Variants in EPHX4 observed in about 807,000 individuals in gnomAD.
The protein encoded by EPHX4 is epoxide hydrolase 4.
A neutral mutation model predicts 44.9 loss-of-function variants in EPHX4; 31 were observed. That is an observed-to-expected ratio of 0.69 (90% CI 0.52 to 0.93). The LOEUF is 0.93. Among genes scored for constraint, EPHX4 ranks in the 40% least tolerant of loss-of-function variants. The pLI is 0.00. For synonymous variants in EPHX4, 151 were observed against 159.7 expected (o/e 0.95, Z 0.41); for missense variants, 373 against 438.1 (o/e 0.85, Z 1.33).
In EPHX4 at chr1:92,047,378, T is replaced by C. The variant is rs567436523; in HGVS notation, c.604+1718T>C. ...GAGCTGAGATTGTGCCAGCTGAGGG[T>C]GGCAAAGTGAGACCCTGTCTCAAAA... On this transcript the variant is annotated intron_variant, in intron 4 of 6. Coordinates refer to ENST00000370383, the MANE Select transcript of EPHX4 (RefSeq NM_173567.5). Among the ~76,000 whole-genome samples the C allele has an allele frequency of 5.2e-4, 78 of 148,734 alleles. No individual in the cohort carries two copies. In the South Asian group the frequency reaches 0.014, roughly 27 times the overall value.
Position 92,045,527 on chromosome 1 carries a change from T to C in EPHX4, c.476-5T>C, listed in dbSNP as rs1250196179. On this transcript the variant is annotated splice_region_variant and splice_polypyrimidine_tract_variant and intron_variant, in intron 3 of 6. Transcript: ENST00000370383. The stretch of plus-strand genomic sequence containing the variant: ...ATGATGTCAACATTTATTTCTTGTT[T>C]ACAGGGTATAGCAAATGTGTTCTTA... The C allele has an allele frequency of 2.3e-5, 37 of 1,613,360 alleles. No homozygotes were observed. The highest frequency in any genetic ancestry group is 3.1e-5 in the Non-Finnish European group (37 of 1,179,846).
At chr1:92,051,495 C>A (rs1391115341) in intron 5 of EPHX4, among the ~76,000 whole-genome samples, 1 of 151,484 alleles carries the variant, frequency 6.6e-6, no homozygotes, top group East Asian at 1.9e-4. Flanking sequence ...AGAAATTTGC[C>A]CTGAGGAAAG....
intron 6 of EPHX4, among the ~76,000 whole-genome samples, chr1:92,055,765 T>C (rs1388306774): frequency 6.6e-6 from 1 of 152,190 alleles, no homozygotes; most frequent in Non-Finnish European, 1.5e-5. Context: ...AGAAAAAAGA[T>C]TTAAAATCTT....
At chr1:92,045,167 G>GTT (rs1688565753) in intron 3 of EPHX4, among the ~76,000 whole-genome samples, 1 of 152,000 alleles carries the variant, frequency 6.6e-6, no homozygotes, top group Non-Finnish European at 1.5e-5. Flanking sequence ...GGGTGTGTGT[G>GTT]TTGGGGGGAG....
At chr1:92,037,174 G>C (rs893025320) in intron 2 of EPHX4, among the ~76,000 whole-genome samples, 3 of 151,896 alleles carry the variant, frequency 2.0e-5, no homozygotes, top group Non-Finnish European at 2.9e-5. Flanking sequence ...CTTGATTGTA[G>C]ATTAAGTAGG....
At chr1:92,062,356 C>T (rs1379847673) in intron 6 of EPHX4, among the ~76,000 whole-genome samples, 2 of 151,678 alleles carry the variant, frequency 1.3e-5, no homozygotes, top group Non-Finnish European at 2.9e-5. Context: ...GAGGCCGAGG[C>T]GGGTGGATCA....
Position 92,054,101 on chromosome 1 carries a change from G to A in EPHX4, c.857+1443G>A, listed in dbSNP as rs188450525. On this transcript the variant is annotated intron_variant, in intron 6 of 6. Transcript: ENST00000370383. ...GAGCCACAGCTGGCCTTGAATTTGA[G>A]GTTTAGGGATTTGAATTTGTGCTAC... 5.9e-5 allele frequency among the ~76,000 whole-genome samples: 9 copies of A among 152,218 alleles called. No homozygotes were observed. The East Asian group carries it at 1.7e-3, about 29-fold the overall frequency.
At chr1:92,040,985 C>CT (rs34067987) in intron 2 of EPHX4, among the ~76,000 whole-genome samples, 41,969 of 151,514 alleles carry the variant, frequency 0.28, 6,658 homozygotes, top group African/African-American at 0.44. Context: ...CATGCAGATG[C>CT]TTTTTTTTAA....
intron 3 of EPHX4, among the ~76,000 whole-genome samples, chr1:92,044,458 T>C (rs1688555060): frequency 6.6e-6 from 1 of 152,196 alleles, no homozygotes; most frequent in Admixed American, 6.5e-5. Context: ...TGAGAATTAC[T>C]TCCTTGAAAG....
intron 1 of EPHX4, among the ~76,000 whole-genome samples, 178 bp downstream of exon 1, chr1:92,030,488 G>GTGTGTGTGTGTGTGTGTGTGT: frequency 7.6e-6 from 1 of 130,988 alleles, no homozygotes; most frequent in African/African-American, 2.9e-5. Flanking sequence ...GTGTGTGTGA[G>GTGTGTGTGTGTGTGTGTGTGT]AGAGAGAGAG....
intron 3 of EPHX4, chr1:92,043,598 G>A (rs1455770253): frequency 1.3e-5 from 2 of 152,108 alleles, no homozygotes; most frequent in African/African-American, 4.8e-5. Flanking sequence ...AGATGCACTT[G>A]CATTATTTCT....
At chr1:92,050,979 T>C (rs1647238827) in intron 5 of EPHX4, among the ~76,000 whole-genome samples, 2 of 152,134 alleles carry the variant, frequency 1.3e-5, no homozygotes. Flanking sequence ...ACTACAGGCA[T>C]GTGCCACCAT....
intron 4 of EPHX4, among the ~76,000 whole-genome samples, chr1:92,046,709 G>A (rs370592331): frequency 9.2e-5 from 14 of 152,168 alleles, no homozygotes; most frequent in Non-Finnish European, 1.5e-4. Context: ...TGATCCGCCC[G>A]CCTCAGCCTC....
At chr1:92,030,473 T>TGG (rs1688342043) in intron 1 of EPHX4, among the ~76,000 whole-genome samples, 163 bp downstream of exon 1, 2 of 143,984 alleles carry the variant, frequency 1.4e-5, no homozygotes, top group African/African-American at 2.6e-5. Context: ...TGTGTGTGTG[T>TGG]GTGTGTGTGT....
rs761240966 is a variant in EPHX4 at position 92,032,472 on chromosome 1, A to G, written c.232-33A>G. On this transcript the variant is annotated intron_variant, in intron 1 of 6. Coordinates refer to ENST00000370383, the MANE Select transcript of EPHX4 (RefSeq NM_173567.5). Reference sequence around the variant, plus strand: ...TATATTGCTTTGTCAATCAACACAAACATCACTAAAATTCCATGCCCTCTA... The same window carrying G: ...TATATTGCTTTGTCAATCAACACAAGCATCACTAAAATTCCATGCCCTCTA... The G allele has an allele frequency of 7.3e-6, 11 of 1,515,864 alleles. No individual in the cohort carries two copies. The African/African-American group carries it at 9.6e-5, about 13-fold the overall frequency. 93.9% of individuals were successfully genotyped at this position (1,515,864 alleles called of 1,614,324 possible).
intron 2 of EPHX4, among the ~76,000 whole-genome samples, chr1:92,038,214 A>G (rs545957375): frequency 6.6e-6 from 1 of 152,372 alleles, no homozygotes; most frequent in South Asian, 2.1e-4. Flanking sequence ...TCCAATTCTA[A>G]ATGTAAAATG....
At chr1:92,030,456 T>TAGTGTGTGTGTG in intron 1 of EPHX4, 146 bp downstream of exon 1, 1 of 270,774 alleles carries the variant, frequency 3.7e-6, no homozygotes, top group Admixed American at 9.5e-5. Flanking sequence ...TCCCTGTGTG[T>TAGTGTGTGTGTG]CGTGTGTGTG....
Position 92,063,078 on chromosome 1 carries a change from T to TG in EPHX4, c.883dup (p.Val295GlyfsTer13). 1 of 1,612,710 alleles carries TG rather than the reference T, an allele frequency of 6.2e-7. No individual in the cohort carries two copies. The highest frequency in any genetic ancestry group is 2.2e-5 in the East Asian group (1 of 44,864). On this transcript the variant is annotated frameshift_variant, in exon 7 of 7. Coordinates refer to ENST00000370383, the MANE Select transcript of EPHX4 (RefSeq NM_173567.5). LOFTEE classifies it high-confidence loss of function. ...AGCTGCCTGCCTCTCAAACATCACATGGTGACCACTCCAACACTACTACTG... is the reference window on the plus strand; with the variant it reads ...AGCTGCCTGCCTCTCAAACATCACATGGGTGACCACTCCAACACTACTACTG...
intron 6 of EPHX4, among the ~76,000 whole-genome samples, chr1:92,056,275 A>G (rs867395296): frequency 6.6e-6 from 1 of 152,226 alleles, no homozygotes; most frequent in African/African-American, 2.4e-5. Flanking sequence ...GCATGAAAAT[A>G]GCCCTCATTT....
Sources: gnomAD v4.1 joint callset for allele counts (sites outside exome capture counted in the v4.1 genomes callset) on GRCh38, gnomAD v4.1.1 for gene constraint, MANE v1.5 for transcripts, NCBI Gene and HGNC (gene_info 2026-07-23, HGNC 2026-07-21) for gene names.